The following FOXP1 variants were observed in gnomAD, a reference collection of about 807,000 sequenced individuals.
FOXP1 encodes the protein forkhead box P1.
A neutral mutation model predicts 98.2 loss-of-function variants in FOXP1; 15 were observed. That is an observed-to-expected ratio of 0.15 (90% confidence interval 0.10 to 0.24). The LOEUF is 0.24. Among genes scored for constraint, FOXP1 ranks in the 10% least tolerant of loss-of-function variants. The pLI is 1.00. For synonymous variants in FOXP1, 371 were observed against 314.5 expected, an observed-to-expected ratio of 1.18 and a Z score of -1.90; for missense variants, 633 against 848.5, an observed-to-expected ratio of 0.75 and a Z score of 3.15.
intron 3 of FOXP1, among the ~76,000 whole-genome samples, chr3:71,479,604 A>C (rs1472969868): frequency 2.0e-5 from 3 of 149,840 alleles, no homozygotes; most frequent in African/African-American, 7.4e-5. Flanking sequence ...ACTTGAACCC[A>C]GGAGGTGGAG....
At chr3:71,568,781 G>A (rs1433742795) in intron 2 of FOXP1, among the ~76,000 whole-genome samples, 1 of 151,972 alleles carries the variant, frequency 6.6e-6, no homozygotes, top group East Asian at 1.9e-4. Context: ...CAAGTAGCTG[G>A]GATTACAGGC....
intron 2 of FOXP1, among the ~76,000 whole-genome samples, chr3:71,533,098 C>T (rs1396541633): frequency 3.3e-5 from 5 of 152,228 alleles, no homozygotes; most frequent in Admixed American, 3.3e-4. Context: ...GAGAACTCAA[C>T]TGCTACAAAA....
chr3:71,256,622 T>A (rs1162059817), intron 5 of FOXP1, among the ~76,000 whole-genome samples: 3 of 152,158 alleles, frequency 2.0e-5, no homozygotes, highest in African/African-American at 4.8e-5. Flanking sequence ...AACCTCATGA[T>A]TCACCTGCCT....
chr3:70,990,273 G>GTTTTAGGGATAA, intron 13 of FOXP1, among the ~76,000 whole-genome samples: 1 of 152,296 alleles, frequency 6.6e-6, no homozygotes, highest in Middle Eastern at 3.4e-3. Context: ...AACACAAACT[G>GTTTTAGGGATAA]TTTTAACAAT....
At chr3:71,328,136 A>C (rs2107703285) in intron 4 of FOXP1, among the ~76,000 whole-genome samples, 1 of 152,332 alleles carries the variant, frequency 6.6e-6, no homozygotes, top group African/African-American at 2.4e-5. Context: ...TAAAGGAGGC[A>C]GAAGAATTTG....
intron 3 of FOXP1, among the ~76,000 whole-genome samples, chr3:71,412,617 T>A (rs1297795051): frequency 1.3e-5 from 2 of 152,170 alleles, no homozygotes; most frequent in Non-Finnish European, 2.9e-5. Flanking sequence ...CTCAACATGA[T>A]GCAACCAAAC....
At chr3:71,383,528 T>C (rs2080335598) in intron 3 of FOXP1, among the ~76,000 whole-genome samples, 1 of 152,124 alleles carries the variant, frequency 6.6e-6, no homozygotes, top group Non-Finnish European at 1.5e-5. Flanking sequence ...ATGAAAAGAA[T>C]AGAGGGTGGC....
chr3:71,443,139 C>T (rs1409543406), intron 3 of FOXP1, among the ~76,000 whole-genome samples: 2 of 152,188 alleles, frequency 1.3e-5, no homozygotes, highest in Non-Finnish European at 2.9e-5. Flanking sequence ...GGTGATCCAC[C>T]CGCCTCGGCC....
chr3:71,521,549 G>T lies in FOXP1; in HGVS notation c.-297-27994C>A, dbSNP rs1252028908. ...CTCAAAAAAAAAAGGGCAGGGGGAG[G>T]GGGGGGACCTGGGTGAAGGACAGGG... is the stretch of plus-strand genomic sequence containing the variant. On this transcript the variant is annotated intron_variant, in intron 2 of 20. Coordinates refer to ENST00000649528, the MANE Select transcript of FOXP1 (RefSeq NM_001349338.3). Among the ~76,000 whole-genome samples the T allele has an allele frequency of 1.1e-4, 17 of 151,456 alleles. No individual in the cohort carries two copies. The East Asian group carries it at 2.7e-3, about 24-fold the overall frequency.
chr3:71,523,225 A>C (rs761803127), intron 2 of FOXP1, among the ~76,000 whole-genome samples: 11 of 152,210 alleles, frequency 7.2e-5, no homozygotes, highest in South Asian at 4.1e-4. Context: ...GAAGGGCCTG[A>C]AACATTCTCC....
chr3:70,990,489 C>T (rs779716826), intron 13 of FOXP1, among the ~76,000 whole-genome samples: 12 of 152,126 alleles, frequency 7.9e-5, no homozygotes, highest in Admixed American at 2.0e-4. Context: ...TCACGGCATC[C>T]TTTCATTATT....
intron 5 of FOXP1, among the ~76,000 whole-genome samples, chr3:71,252,378 G>C (rs2068269332): frequency 6.6e-6 from 1 of 152,196 alleles, no homozygotes; most frequent in Non-Finnish European, 1.5e-5. Context: ...CTGTGGAGTA[G>C]TGAGGTGTTC....
intron 3 of FOXP1, among the ~76,000 whole-genome samples, chr3:71,433,078 C>T (rs1256018641): frequency 6.6e-6 from 1 of 151,486 alleles, no homozygotes; most frequent in Non-Finnish European, 1.5e-5. Context: ...GTCCTTTTAC[C>T]CTCTTCTCAG....
At chr3:71,017,494 T>G (rs140946627) in intron 11 of FOXP1, among the ~76,000 whole-genome samples, 2 of 150,020 alleles carry the variant, frequency 1.3e-5, no homozygotes, top group Non-Finnish European at 3.0e-5. Context: ...TGTAGAAAAC[T>G]TGAAAATCCT....
intron 3 of FOXP1, among the ~76,000 whole-genome samples, chr3:71,424,366 C>T (rs1301860718): frequency 6.6e-6 from 1 of 152,142 alleles, no homozygotes; most frequent in African/African-American, 2.4e-5. Context: ...GGGTAGGGCG[C>T]CTTCCCTATC....
intron 2 of FOXP1, among the ~76,000 whole-genome samples, chr3:71,552,276 C>T (rs1350778251): frequency 1.3e-5 from 2 of 151,840 alleles, no homozygotes; most frequent in Admixed American, 1.3e-4. Context: ...AAAAACACAG[C>T]CCTAATGAAA....
In FOXP1 at chr3:71,568,381, CCTT is replaced by C. The variant is rs1559541342; in HGVS notation, c.-298+13165_-298+13167del. Among the ~76,000 whole-genome samples, 373 of 152,206 alleles carry C rather than the reference CCTT, an allele frequency of 2.5e-3. 1 individual carries two copies. The highest frequency in any genetic ancestry group is 8.5e-3 in the African/African-American group (355 of 41,536). ...TCCTCCTGTTCTACAGAGGAAGAAC[CCTT>C]GGTGCAGAGAAACAAAGCCCTTCAA... On this transcript the variant is annotated intron_variant, in intron 2 of 20. Transcript: ENST00000649528.
chr3:71,279,020 T>C (rs1244192724), intron 5 of FOXP1, among the ~76,000 whole-genome samples: 1 of 151,668 alleles, frequency 6.6e-6, no homozygotes, highest in Non-Finnish European at 1.5e-5. Flanking sequence ...GGCGAAACTG[T>C]GTCTTCTACT....
chr3:71,337,020 GA>G (rs2076726960), intron 4 of FOXP1, among the ~76,000 whole-genome samples: 1 of 152,188 alleles, frequency 6.6e-6, no homozygotes, highest in Non-Finnish European at 1.5e-5. Context: ...TTCAGATTAA[GA>G]AACTTAAAAG....
Sources: allele counts gnomAD v4.1 joint callset (sites outside exome capture counted in the v4.1 genomes callset), GRCh38; gene constraint gnomAD v4.1.1; transcripts MANE v1.5; gene names NCBI Gene and HGNC (gene_info 2026-07-23, HGNC 2026-07-21).